The following ARHGEF12 variants were observed in gnomAD, a reference collection of about 807,000 sequenced individuals.
ARHGEF12 encodes KMT2A/ARHGEF12 fusion protein.
A neutral mutation model predicts 211.2 loss-of-function variants in ARHGEF12; 66 were observed. That is an observed-to-expected ratio of 0.31 (90% CI 0.26 to 0.38). ARHGEF12 has a LOEUF of 0.38. Ranked by LOEUF, ARHGEF12 falls within the 10% of genes least tolerant of loss-of-function variation. ARHGEF12 has a pLI of 1.00. For missense variants in ARHGEF12, 1,429 were observed against 1,869.5 expected, an observed-to-expected ratio of 0.76 and a Z score of 4.34; for synonymous variants, 592 against 638.4, an observed-to-expected ratio of 0.93 and a Z score of 1.09.
intron 15 of ARHGEF12, among the ~76,000 whole-genome samples, chr11:120,442,451 C>G (rs1945904177): frequency 7.1e-6 from 1 of 141,742 alleles, no homozygotes; most frequent in Non-Finnish European, 1.6e-5. Flanking sequence ...CACACACACA[C>G]ACACATATAT....
intron 2 of ARHGEF12, among the ~76,000 whole-genome samples, chr11:120,407,514 A>G (rs925102744): frequency 6.6e-6 from 1 of 152,226 alleles, no homozygotes; most frequent in Non-Finnish European, 1.5e-5. Flanking sequence ...AGAGACTTTA[A>G]TGCTGAATAC....
In ARHGEF12 at chr11:120,356,536, A is replaced by T. The variant is rs567786361; in HGVS notation, c.32+19261A>T. Among the ~76,000 whole-genome samples the T allele has an allele frequency of 3.3e-5, 5 of 152,206 alleles. No individual in the cohort carries two copies. The East Asian group carries it at 7.7e-4, about 24-fold the overall frequency. ...GCCCAGCCTCCCCTTATCTTTTTGC[A>T]TGTACACTTTGTCTTTATTGTCATC... On this transcript the variant is annotated intron_variant, in intron 1 of 40. Coordinates refer to ENST00000397843, the MANE Select transcript of ARHGEF12 (RefSeq NM_015313.3).
At chr11:120,407,621 C>G in intron 2 of ARHGEF12, 117 bp from the exon 3 acceptor site, 1 of 678,586 alleles carries the variant, frequency 1.5e-6, no homozygotes, top group Non-Finnish European at 2.5e-6. Flanking sequence ...GCTTATGGTG[C>G]TGTGTAAAGT....
chr11:120,384,713 G>A (rs1023684612), intron 1 of ARHGEF12, among the ~76,000 whole-genome samples: 1 of 152,110 alleles, frequency 6.6e-6, no homozygotes, highest in Non-Finnish European at 1.5e-5. Context: ...AACAGACAGA[G>A]TAGCATGAAG....
At position 120,466,496 on chromosome 11, in the gene ARHGEF12, A is replaced by C. The variant is rs533636550; in HGVS notation, c.2740-698A>C. On this transcript the variant is annotated intron_variant, in intron 28 of 40. Coordinates refer to ENST00000397843, the MANE Select transcript of ARHGEF12 (RefSeq NM_015313.3). ...TAATTTCCTTTCTTATGATCTCAAAATCATGTGGTGGCAACCTAATCATAG... is the reference window on the plus strand; with the variant it reads ...TAATTTCCTTTCTTATGATCTCAAACTCATGTGGTGGCAACCTAATCATAG... 2.0e-5 allele frequency among the ~76,000 whole-genome samples: 3 copies of C among 152,332 alleles called. No homozygotes were observed. In the East Asian group the frequency reaches 5.8e-4, roughly 29 times the overall value.
chr11:120,417,780 G>A (rs141455906), intron 4 of ARHGEF12, among the ~76,000 whole-genome samples: 52 of 152,164 alleles, frequency 3.4e-4, no homozygotes, highest in East Asian at 1.2e-3. Context: ...ACAGGCATGA[G>A]CCACCATGCC....
intron 31 of ARHGEF12, among the ~76,000 whole-genome samples, chr11:120,473,452 G>T (rs893842188): frequency 6.6e-6 from 1 of 152,182 alleles, no homozygotes; most frequent in Non-Finnish European, 1.5e-5. Context: ...GCCCAGGCTG[G>T]AATGCAGTGG....
rs989626262 is a variant in ARHGEF12 at position 120,487,720 on chromosome 11, A to G, written c.*2643A>G. ...AGGCTGCATTTTAGCTATGGAAGTG[A>G]CCTGCTGTGACACTGTGCTCTCTTC... On this transcript the variant is annotated 3_prime_UTR_variant, in exon 41 of 41. Transcript: ENST00000397843. 9 of 220,240 alleles carry G rather than the reference A, an allele frequency of 4.1e-5. No individual in the cohort carries two copies. Among genetic ancestry groups the G allele is most frequent in the Non-Finnish European group, 8.2e-5 (9 of 109,974 alleles). The allele number at this position is 220,240 out of a possible 1,614,324, so 13.6% of individuals were successfully genotyped here.
In ARHGEF12 at chr11:120,451,524, T is replaced by C; in HGVS notation, c.1856T>C (p.Met619Thr). ...RHDNSAIGRA[M>T]ELQKARHPKH... ...ATTTTCTGATCAGTTGGCAGAGCCA[T>C]GGAACTACAGAAGGCGCGCCACCCT... Residue 619 changes from methionine (M) to threonine (T), a missense_variant, in exon 22 of 41, where the codon ATG becomes ACG. Around this residue, in one of 7 missense-constraint regions of ARHGEF12, gnomAD observed 373 missense variants for 467.5 expected, o/e 0.80. Coordinates refer to ENST00000397843, the MANE Select transcript of ARHGEF12 (RefSeq NM_015313.3). 1 of 1,614,084 alleles carries C rather than the reference T, an allele frequency of 6.2e-7. No individual in the cohort carries two copies. Among genetic ancestry groups the C allele is most frequent in the Non-Finnish European group, 8.5e-7 (1 of 1,180,012 alleles).
At position 120,476,867 on chromosome 11, in the gene ARHGEF12, C is replaced by CTAA. The variant is rs1947047179; in HGVS notation, c.3365+120_3365+121insAAT. The CTAA allele has an allele frequency of 4.2e-6, 3 of 720,706 alleles. No homozygotes were observed. The South Asian group carries it at 6.7e-5, about 16-fold the overall frequency. The allele number at this position is 720,706 out of a possible 1,614,324, so 44.6% of individuals were successfully genotyped here. On this transcript the variant is annotated intron_variant, in intron 34 of 40. Transcript: ENST00000397843. ...GGAAACCAAGCACTTCCTCTGTACT[C>CTAA]TTTTAGAGACGTTCTACTATGAACT...
At chr11:120,348,560 G>A (rs1022172233) in intron 1 of ARHGEF12, among the ~76,000 whole-genome samples, 6 of 152,176 alleles carry the variant, frequency 3.9e-5, no homozygotes, top group African/African-American at 1.2e-4. Flanking sequence ...GTTAGGCGGG[G>A]GCCAGGCATG....
In ARHGEF12 at chr11:120,474,639, G is replaced by A. The variant is rs1946974215; in HGVS notation, c.3109+4G>A. 1 of 1,603,006 alleles carries A rather than the reference G, an allele frequency of 6.2e-7. No homozygotes were observed. The highest frequency in any genetic ancestry group is 8.5e-7 in the Non-Finnish European group (1 of 1,176,478). ...GTGAATAGAGATAAAACTATTGGTA[G>A]GTCTGATATTGTCTTTTAGTTTTGG... is the stretch of plus-strand genomic sequence containing the variant. On this transcript the variant is annotated splice_donor_region_variant and intron_variant, in intron 32 of 40. Transcript: ENST00000397843.
At position 120,458,173 on chromosome 11, in the gene ARHGEF12, T is replaced by G; in HGVS notation, c.2319T>G (p.Val773=). ...ETDPPNWQQL[V]SREVLLGLKP... is the part of the protein sequence containing the mutation. ...ATCCACCCAACTGGCAGCAGCTTGTTAGTCGAGAAGTGTTACTGGGACTAA... is the reference window on the plus strand; with the variant it reads ...ATCCACCCAACTGGCAGCAGCTTGTGAGTCGAGAAGTGTTACTGGGACTAA... The change falls in exon 25 of 41, where the codon GTT becomes GTG. Residue 773 remains valine (V), a synonymous_variant. Transcript: ENST00000397843. 6.2e-7 allele frequency: 1 copy of G among 1,612,956 alleles called. No homozygotes were observed. Among genetic ancestry groups the G allele is most frequent in the Non-Finnish European group, 8.5e-7 (1 of 1,179,704 alleles).
chr11:120,386,992 G>A (rs1475194741), intron 1 of ARHGEF12, among the ~76,000 whole-genome samples: 1 of 152,052 alleles, frequency 6.6e-6, no homozygotes, highest in Non-Finnish European at 1.5e-5. Context: ...AAATAGTGAT[G>A]CCATGAGTGA....
At chr11:120,466,918 C>T (rs1946720247) in intron 28 of ARHGEF12, among the ~76,000 whole-genome samples, 2 of 152,142 alleles carry the variant, frequency 1.3e-5, no homozygotes, top group Admixed American at 1.3e-4. Flanking sequence ...ACTGTTTCAA[C>T]ACAAGGAAGC....
chr11:120,431,813 C>T lies in ARHGEF12; in HGVS notation c.826C>T (p.Leu276=). 3.1e-6 allele frequency: 5 copies of T among 1,613,908 alleles called. No individual in the cohort carries two copies. The highest frequency in any genetic ancestry group is 3.4e-6 in the Non-Finnish European group (4 of 1,179,874). Reference sequence around the variant, plus strand: ...ACCCTCCAGACCTTTAGGGGACACCCTAACAGTCAGTGAGGCAGAAACAGA... The same window carrying T: ...ACCCTCCAGACCTTTAGGGGACACCTTAACAGTCAGTGAGGCAGAAACAGA... ...VTPSRPLGDT[L]TVSEAETDPG... Residue 276 remains leucine, a synonymous_variant, in exon 11 of 41, where the codon CTA becomes TTA. Transcript: ENST00000397843.
Position 120,429,700 on chromosome 11 carries a change from A to G in ARHGEF12, c.664-12A>G. 2 of 1,605,504 alleles carry G rather than the reference A, an allele frequency of 1.2e-6. No individual in the cohort carries two copies. The highest frequency in any genetic ancestry group is 1.7e-4 in the Middle Eastern group (1 of 6,004). ...AGTAATTAATTCTGAAAATATTTTT[A>G]TAACTTTTCAGTTATTGCAGGAAGA... On this transcript the variant is annotated splice_polypyrimidine_tract_variant and intron_variant, in intron 9 of 40. Coordinates refer to ENST00000397843, the MANE Select transcript of ARHGEF12 (RefSeq NM_015313.3).
At chr11:120,484,118 C>G (rs1947335055) in intron 39 of ARHGEF12, among the ~76,000 whole-genome samples, 1 of 152,198 alleles carries the variant, frequency 6.6e-6, no homozygotes, top group African/African-American at 2.4e-5. Context: ...TGCTGCATGA[C>G]TATAGCTCAT....
At position 120,477,484 on chromosome 11, in the gene ARHGEF12, G is replaced by C; in HGVS notation, c.3490G>C (p.Glu1164Gln). The C allele has an allele frequency of 6.3e-7, 1 of 1,594,368 alleles. No individual in the cohort carries two copies. ...TGAAGAAGATCCTTCAAAATTAAAAGAGGAGCAGCATGGCATTTCAGTCAC... is the reference window on the plus strand; with the variant it reads ...TGAAGAAGATCCTTCAAAATTAAAACAGGAGCAGCATGGCATTTCAGTCAC... ...NDEEDPSKLK[E>Q]EQHGISVTGL... The change falls in exon 36 of 41, where the codon GAG becomes CAG. Residue 1164 changes from glutamate (E) to glutamine (Q), a missense_variant. Transcript: ENST00000397843.
Sources: gnomAD v4.1 joint callset for allele counts (sites outside exome capture counted in the v4.1 genomes callset) on GRCh38, gnomAD v4.1.1 for gene constraint, gnomAD v4.1.1 regional missense constraint, MANE v1.5 for transcripts, NCBI Gene and HGNC (gene_info 2026-07-23, HGNC 2026-07-21) for gene names.